Variants in CSNK1A1 observed in about 807,000 individuals in gnomAD.
The protein encoded by CSNK1A1 is casein kinase I isoform alpha.
A neutral mutation model predicts 46.1 loss-of-function variants in CSNK1A1; 7 were observed. That is an observed-to-expected ratio of 0.15 (90% confidence interval 0.09 to 0.29). The LOEUF is 0.29. Ranked by LOEUF, CSNK1A1 falls within the 10% of genes least tolerant of loss-of-function variation. The pLI is 1.00. For synonymous variants in CSNK1A1, 137 were observed against 141.5 expected, an observed-to-expected ratio of 0.97 and a Z score of 0.23; for missense variants, 96 against 417.1, an observed-to-expected ratio of 0.23 and a Z score of 6.71.
chr5:149,537,132 T>C (rs1236304856), intron 2 of CSNK1A1, among the ~76,000 whole-genome samples: 1 of 152,116 alleles, frequency 6.6e-6, no homozygotes, highest in Non-Finnish European at 1.5e-5. Context: ...TCCCAGTACT[T>C]TGGGAGGCTG....
At chr5:149,524,974 G>T (rs1459607760) in intron 3 of CSNK1A1, 71 bp downstream of exon 3, 5 of 1,385,474 alleles carry the variant, frequency 3.6e-6, no homozygotes, top group Non-Finnish European at 3.9e-6. Flanking sequence ...TTAATACTCT[G>T]ATTTATGAAT....
rs1162726258 is a variant in CSNK1A1, at chr5:149,513,224, T to A, written c.457-15A>T. 1 of 1,607,896 alleles carries A rather than the reference T, an allele frequency of 6.2e-7. No homozygotes were observed. The highest frequency in any genetic ancestry group is 8.5e-7 in the Non-Finnish European group (1 of 1,176,642). ...ATAAGGAATAACTTTAAAAGAGAAATACAGAAACATTAGGTTTCCAACCTT... is the reference window on the plus strand; with the variant it reads ...ATAAGGAATAACTTTAAAAGAGAAAAACAGAAACATTAGGTTTCCAACCTT... On this transcript the variant is annotated splice_polypyrimidine_tract_variant and intron_variant, in intron 4 of 9. Coordinates refer to ENST00000377843, the MANE Select transcript of CSNK1A1 (RefSeq NM_001892.6).
In CSNK1A1 at chr5:149,525,277, G is replaced by A; in HGVS notation, c.231-106C>T. The A allele has an allele frequency of 1.7e-6, 2 of 1,145,690 alleles. No homozygotes were observed. The highest frequency in any genetic ancestry group is 1.2e-6 in the Non-Finnish European group (1 of 847,164). 71.0% of individuals were successfully genotyped at this position (1,145,690 alleles called of 1,614,324 possible). On this transcript the variant is annotated intron_variant, in intron 2 of 9. Coordinates refer to ENST00000377843, the MANE Select transcript of CSNK1A1 (RefSeq NM_001892.6). This position sits in a 1 kb window ranked among gnomAD's most constrained non-coding sequence, Gnocchi z 4.2. Reference sequence around the variant, plus strand: ...CTTTCACTGACTAGGTATTATATAAGGCGAATGTTCCCCTACTCAGAAGAC... The same window carrying A: ...CTTTCACTGACTAGGTATTATATAAAGCGAATGTTCCCCTACTCAGAAGAC...
intron 2 of CSNK1A1, among the ~76,000 whole-genome samples, chr5:149,531,431 T>C (rs1266456456): frequency 6.6e-6 from 1 of 151,424 alleles, no homozygotes; most frequent in Non-Finnish European, 1.5e-5. Context: ...GGCAGGAAAA[T>C]TGCTTGAACC....
chr5:149,546,110 C>T (rs1461047661), intron 2 of CSNK1A1, among the ~76,000 whole-genome samples: 1 of 151,230 alleles, frequency 6.6e-6, no homozygotes, highest in Non-Finnish European at 1.5e-5. Context: ...CTCTACTACC[C>T]AGGCTGGTCT....
Position 149,550,227 on chromosome 5 carries a change from C to A in CSNK1A1, c.124-46G>T. ...GATGGCATCAACATCCCTACGGATT[C>A]AATGTCACTTAGGAAAGGAGGGAGA... On this transcript the variant is annotated intron_variant, in intron 1 of 9. Transcript: ENST00000377843. The surrounding 1 kb of genome is among the most constrained non-coding windows in gnomAD (Gnocchi z 4.3). 6.2e-7 allele frequency: 1 copy of A among 1,600,554 alleles called. No homozygotes were observed.
intron 9 of CSNK1A1, chr5:149,501,273 A>G: frequency 1.0e-6 from 1 of 985,404 alleles, no homozygotes; most frequent in African/African-American, 1.7e-5. Context: ...GTAAAAAAAA[A>G]AGCTGACAAA....
intron 2 of CSNK1A1, among the ~76,000 whole-genome samples, chr5:149,542,678 A>ATATG (rs1762334941): frequency 1.8e-4 from 2 of 11,150 alleles, no homozygotes; most frequent in African/African-American, 9.6e-4. Context: ...ATATGTATAT[A>ATATG]TATATATATA....
intron 9 of CSNK1A1, chr5:149,505,172 C>A: frequency 9.2e-7 from 1 of 1,086,228 alleles, no homozygotes; most frequent in South Asian, 4.2e-5. Flanking sequence ...AAAAAAGATG[C>A]AGTTGTTAAA....
At chr5:149,515,359 C>T (rs551213021) in intron 4 of CSNK1A1, among the ~76,000 whole-genome samples, 1 of 152,348 alleles carries the variant, frequency 6.6e-6, no homozygotes, top group Middle Eastern at 3.4e-3. Context: ...GACACTTTCT[C>T]ACAACCAAAA....
Position 149,550,731 on chromosome 5 carries a change from T to C in CSNK1A1, c.123+111A>G. The C allele has an allele frequency of 6.8e-7, 1 of 1,475,632 alleles. No homozygotes were observed. The highest frequency in any genetic ancestry group is 1.3e-5 in the South Asian group (1 of 79,782). The allele number at this position is 1,475,632 out of a possible 1,614,324, so 91.4% of individuals were successfully genotyped here. On this transcript the variant is annotated intron_variant, in intron 1 of 9. Coordinates refer to ENST00000377843, the MANE Select transcript of CSNK1A1 (RefSeq NM_001892.6). The surrounding 1 kb of genome is among the most constrained non-coding windows in gnomAD (Gnocchi z 4.3). ...AGGAAAACTAGCTCCCTGGACTCCC[T>C]GGCGAGTGCGTGCGATGAGGAGAGG...
intron 4 of CSNK1A1, among the ~76,000 whole-genome samples, chr5:149,519,908 A>G (rs1351348139): frequency 6.6e-6 from 1 of 152,138 alleles, no homozygotes; most frequent in Non-Finnish European, 1.5e-5. Flanking sequence ...AAAAACCCAC[A>G]CTTCAGAGCC....
At chr5:149,533,601 A>G (rs1314598801) in intron 2 of CSNK1A1, among the ~76,000 whole-genome samples, 2 of 152,150 alleles carry the variant, frequency 1.3e-5, no homozygotes, top group Admixed American at 1.3e-4. Context: ...GGTTCCCAGT[A>G]ACATAGTTAT....
intron 2 of CSNK1A1, among the ~76,000 whole-genome samples, chr5:149,537,408 CAAT>C (rs1762091893): frequency 1.3e-5 from 2 of 151,896 alleles, no homozygotes; most frequent in Admixed American, 6.6e-5. Context: ...AGTTGACCAA[CAAT>C]GATAAAATGC....
rs751460851 is a variant in CSNK1A1 at position 149,504,405 on chromosome 5, T to C, written c.1006+1042A>G. 314 of 982,016 alleles carry C rather than the reference T, an allele frequency of 3.2e-4. 1 individual carries two copies. The highest frequency in any genetic ancestry group is 3.7e-4 in the Non-Finnish European group (307 of 826,966). The allele number at this position is 982,016 out of a possible 1,614,324, so 60.8% of individuals were successfully genotyped here. A position where few individuals can be genotyped will look rare whatever the true frequency, so the allele number is the denominator to read the frequency against. On this transcript the variant is annotated intron_variant, in intron 9 of 9. Transcript: ENST00000377843. Reference sequence around the variant, plus strand: ...ACTAAAAATGTGAAGCAAAGATTAATCTATAAAGGCCAAGTTCAGACTAGG... The same window carrying C: ...ACTAAAAATGTGAAGCAAAGATTAACCTATAAAGGCCAAGTTCAGACTAGG...
chr5:149,538,014 GTTTTTTTTT>G (rs890909710), intron 2 of CSNK1A1, among the ~76,000 whole-genome samples: 18 of 85,726 alleles, frequency 2.1e-4, no homozygotes, highest in South Asian at 4.0e-4. Context: ...AGTGTGCCCA[GTTTTTTTTT>G]TTTTTTTTTT....
intron 2 of CSNK1A1, chr5:149,549,470 A>G (rs113873273): frequency 7.1e-6 from 5 of 702,476 alleles, no homozygotes; most frequent in African/African-American, 7.0e-5. Flanking sequence ...CGCCTCCTGC[A>G]GCTTTATTCT....
At chr5:149,514,972 G>A (rs1168814065) in intron 4 of CSNK1A1, among the ~76,000 whole-genome samples, 1 of 152,086 alleles carries the variant, frequency 6.6e-6, no homozygotes, top group Non-Finnish European at 1.5e-5. Context: ...AAGAAATAAA[G>A]CTTATACTTT....
In CSNK1A1 at chr5:149,496,094, T is replaced by C. The variant is rs1187921468; in HGVS notation, c.*759A>G. 6.6e-6 allele frequency: 1 copy of C among 152,654 alleles called. No homozygotes were observed. Among genetic ancestry groups the C allele is most frequent in the Non-Finnish European group, 1.5e-5 (1 of 68,038 alleles). The allele number at this position is 152,654 out of a possible 1,614,324, so 9.5% of individuals were successfully genotyped here. Reference sequence around the variant, plus strand: ...GATGTTTACAGTGATTACATTTATCTAAGCAACATACATACATGTTCAGTT... The same window carrying C: ...GATGTTTACAGTGATTACATTTATCCAAGCAACATACATACATGTTCAGTT... On this transcript the variant is annotated 3_prime_UTR_variant, in exon 10 of 10. Coordinates refer to ENST00000377843, the MANE Select transcript of CSNK1A1 (RefSeq NM_001892.6).
Sources: allele counts gnomAD v4.1 joint callset (sites outside exome capture counted in the v4.1 genomes callset), GRCh38; gene constraint gnomAD v4.1.1; non-coding constraint Gnocchi (gnomAD v3.1); transcripts MANE v1.5; gene names NCBI Gene and HGNC (gene_info 2026-07-23, HGNC 2026-07-21).